SMARCA2: variants seen among roughly 807,000 people sequenced by gnomAD.
SMARCA2 encodes the protein SWI/SNF related BAF chromatin remodeling complex subunit ATPase 2, also known as SWI/SNF-related matrix-associated actin-dependent regulator of chromatin subfamily A member 2.
A neutral mutation model predicts 199.8 loss-of-function variants in SMARCA2; 61 were observed. The observed-to-expected ratio is 0.31, with a 90% CI of 0.25 to 0.38. The LOEUF is 0.38. Among genes scored for constraint, SMARCA2 ranks in the 10% least tolerant of loss-of-function variants. SMARCA2 has a pLI of 1.00. For missense variants in SMARCA2, 1,344 were observed against 2,012.2 expected (o/e 0.67, Z 6.35); for synonymous variants, 935 against 732.0 (o/e 1.28, Z -4.48).
In SMARCA2 at chr9:2,191,307, G is replaced by A; in HGVS notation, c.4636G>A (p.Asp1546Asn). Residue 1546 changes from aspartate to asparagine, a missense_variant, in exon 33 of 34, where the codon GAC (aspartate) becomes AAC (asparagine). Asp to Asn is a conservative substitution (Grantham distance 23). This residue lies in a region of SMARCA2 where 155 missense variants were observed against 121.1 expected (regional missense o/e 1.28). Transcript: ENST00000349721. ...GAAAATTAAGCTCAATAAAAAAGAT[G>A]ACAAAGGCCGGGACAAAGGGAAAGG... ...KVKIKLNKKD[D>N]KGRDKGKGKK... 6.2e-7 allele frequency: 1 copy of A among 1,614,076 alleles called. No individual in the cohort carries two copies. The highest frequency in any genetic ancestry group is 2.2e-5 in the East Asian group (1 of 44,892).
At chr9:2,160,563 T>G (rs1825614038) in intron 27 of SMARCA2, 2 of 700,666 alleles carry the variant, frequency 2.9e-6, no homozygotes, top group Non-Finnish European at 5.2e-6. Flanking sequence ...TTATATTGAT[T>G]GTTATACTCA....
rs199724104 is a variant in SMARCA2, at chr9:2,039,713, G to A, written c.603G>A (p.Thr201=). ...MLARGQPLPE[T]LQLAVQGKRT... is the part of the protein sequence containing the mutation. Reference sequence around the variant, plus strand: ...CCCGAGGCCAGCCCCTCCCCGAAACGCTGCAGCTTGCAGTCCAGGGGAAAA... The same window carrying A: ...CCCGAGGCCAGCCCCTCCCCGAAACACTGCAGCTTGCAGTCCAGGGGAAAA... The change falls in exon 4 of 34, where the codon ACG becomes ACA. Residue 201 remains threonine (T), a synonymous_variant. Coordinates refer to ENST00000349721, the MANE Select transcript of SMARCA2 (RefSeq NM_003070.5). This position sits in a 1 kb window ranked among gnomAD's most constrained non-coding sequence, Gnocchi z 4.8. 29 of 1,613,918 alleles carry A rather than the reference G, an allele frequency of 1.8e-5. No homozygotes were observed. Among genetic ancestry groups the A allele is most frequent in the African/African-American group, 4.0e-5 (3 of 75,016 alleles).
chr9:2,072,947 C>T, intron 10 of SMARCA2: 1 of 419,712 alleles, frequency 2.4e-6, no homozygotes, highest in Non-Finnish European at 4.3e-6. Flanking sequence ...GCACTTCTAG[C>T]TCTTAACTCA....
At chr9:2,118,296 T>C (rs974770398) in intron 25 of SMARCA2, among the ~76,000 whole-genome samples, 1 of 152,240 alleles carries the variant, frequency 6.6e-6, no homozygotes, top group African/African-American at 2.4e-5. Flanking sequence ...GGAGGCAAAC[T>C]AGAATAGAAG....
At chr9:2,174,925 A>C (rs1826463814) in intron 29 of SMARCA2, among the ~76,000 whole-genome samples, 1 of 6,082 alleles carries the variant, frequency 1.6e-4, no homozygotes, top group African/African-American at 2.9e-4. Flanking sequence ...ACCCTCTCTC[A>C]AAAAAAAAAA....
In SMARCA2 at chr9:2,054,594, T is replaced by C. The variant is rs1211559186; in HGVS notation, c.1047-3T>C. ...CTTTTCCCCATTTTATTGTTTCCTT[T>C]AGACTTCAGGCCCGCATAGCTCATA... On this transcript the variant is annotated splice_region_variant and splice_polypyrimidine_tract_variant and intron_variant, in intron 5 of 33. Coordinates refer to ENST00000349721, the MANE Select transcript of SMARCA2 (RefSeq NM_003070.5). 1.2e-6 allele frequency: 2 copies of C among 1,611,880 alleles called. No homozygotes were observed. The highest frequency in any genetic ancestry group is 1.7e-5 in the Admixed American group (1 of 59,568).
At chr9:2,049,122 C>G (rs372226277) in intron 5 of SMARCA2, among the ~76,000 whole-genome samples, 1 of 152,038 alleles carries the variant, frequency 6.6e-6, no homozygotes, top group African/African-American at 2.4e-5. Context: ...ACTATGTGAA[C>G]TACCCTTAGA....
chr9:2,165,763 AAGAGT>A (rs1254848077), intron 28 of SMARCA2, among the ~76,000 whole-genome samples: 7 of 152,200 alleles, frequency 4.6e-5, no homozygotes, highest in African/African-American at 1.7e-4. Flanking sequence ...TTAGACGGTA[AAGAGT>A]AGAGTCTGTG....
At chr9:2,028,270 G>A (rs1346976022) in intron 1 of SMARCA2, among the ~76,000 whole-genome samples, 1 of 152,212 alleles carries the variant, frequency 6.6e-6, no homozygotes, top group Non-Finnish European at 1.5e-5. Context: ...ACTTCTGGTA[G>A]GGTGGAGTTG....
intron 8 of SMARCA2, among the ~76,000 whole-genome samples, chr9:2,058,940 C>G (rs899360515): frequency 1.5e-4 from 23 of 152,182 alleles, no homozygotes; most frequent in Non-Finnish European, 3.4e-4. Flanking sequence ...AAATTATTCT[C>G]TAACAGTGTA....
chr9:2,168,906 A>G (rs1826080506), intron 28 of SMARCA2, among the ~76,000 whole-genome samples: 1 of 152,138 alleles, frequency 6.6e-6, no homozygotes, highest in Non-Finnish European at 1.5e-5. Context: ...AGCCATACCT[A>G]GCTTCTCTGA....
chr9:2,060,118 CAAAAAAAAAAAAA>C (rs372329238), intron 8 of SMARCA2, among the ~76,000 whole-genome samples: 1,796 of 62,480 alleles, frequency 0.029, 51 homozygotes, highest in African/African-American at 0.066. Context: ...GATCTGTGGC[CAAAAAAAAAAAAA>C]AAAAAAAAAA....
At chr9:2,064,316 C>T (rs1820732831) in intron 9 of SMARCA2, among the ~76,000 whole-genome samples, 1 of 152,134 alleles carries the variant, frequency 6.6e-6, no homozygotes, top group African/African-American at 2.4e-5. Context: ...GATCTATTAC[C>T]ATAGTGCTTC....
chr9:2,108,495 G>T (rs2130572411), intron 23 of SMARCA2, among the ~76,000 whole-genome samples: 1 of 152,318 alleles, frequency 6.6e-6, no homozygotes, highest in East Asian at 1.9e-4. Context: ...AATCAAAACT[G>T]TTGAACTTCT....
In SMARCA2 at chr9:2,166,144, A is replaced by G. The variant is rs529157497; in HGVS notation, c.4199+4241A>G. 2.8e-4 allele frequency among the ~76,000 whole-genome samples: 43 copies of G among 152,332 alleles called. No individual in the cohort carries two copies. The South Asian group carries it at 6.4e-3, about 23-fold the overall frequency. On this transcript the variant is annotated intron_variant, in intron 28 of 33. Coordinates refer to ENST00000349721, the MANE Select transcript of SMARCA2 (RefSeq NM_003070.5). ...TCCTTTAAAATGTATCAACAAGCAT[A>G]TCTACCTCAGGACATTGTCCTTCAG...
chr9:2,044,515 T>C (rs928659441), intron 4 of SMARCA2: 1 of 152,252 alleles, frequency 6.6e-6, no homozygotes, highest in Non-Finnish European at 1.5e-5. Flanking sequence ...TTAGGCTTCT[T>C]TATCTCCCTG....
intron 27 of SMARCA2, chr9:2,160,609 G>T (rs1050754508): frequency 2.8e-6 from 2 of 702,328 alleles, no homozygotes; most frequent in East Asian, 2.7e-5. Flanking sequence ...TGGTGCTGTG[G>T]AGAAATGAAG....
intron 15 of SMARCA2, 59 bp downstream of exon 15, chr9:2,082,054 G>A: frequency 7.1e-7 from 1 of 1,401,034 alleles, no homozygotes. Flanking sequence ...TGCCCGATTA[G>A]TAGCTTGTCC....
chr9:2,097,919 A>G (rs569017175), intron 21 of SMARCA2, among the ~76,000 whole-genome samples: 1 of 152,254 alleles, frequency 6.6e-6, no homozygotes, highest in Admixed American at 6.5e-5. Context: ...TGTAAAAGAC[A>G]CTGGCTTTAG....
Sources: allele counts gnomAD v4.1 joint callset (sites outside exome capture counted in the v4.1 genomes callset), GRCh38; gene constraint gnomAD v4.1.1; regional missense constraint gnomAD v4.1.1; non-coding constraint Gnocchi (gnomAD v3.1); transcripts MANE v1.5; gene names NCBI Gene and HGNC (gene_info 2026-07-23, HGNC 2026-07-21).